CNTN1: variants seen among roughly 807,000 people sequenced by gnomAD.
CNTN1 encodes contactin 1.
A neutral mutation model predicts 126.4 loss-of-function variants in CNTN1; 38 were observed. That is an observed-to-expected ratio of 0.30 (90% CI 0.23 to 0.39). CNTN1 has a LOEUF of 0.39. Among genes scored for constraint, CNTN1 ranks in the 10% least tolerant of loss-of-function variants. The pLI is 1.00. For missense variants in CNTN1, 1,009 were observed against 1,248.4 expected (o/e 0.81, Z 2.89); for synonymous variants, 413 against 422.6 (o/e 0.98, Z 0.28).
At chr12:40,985,285 C>G (rs868395890) in intron 16 of CNTN1, among the ~76,000 whole-genome samples, 1 of 151,900 alleles carries the variant, frequency 6.6e-6, no homozygotes, top group Non-Finnish European at 1.5e-5. Context: ...CTCAAAATCC[C>G]TTTATATTTA....
intron 9 of CNTN1, among the ~76,000 whole-genome samples, chr12:40,935,849 G>A (rs945308013): frequency 6.6e-5 from 10 of 151,972 alleles, no homozygotes; most frequent in African/African-American, 1.9e-4. Flanking sequence ...GGTATTTGGT[G>A]AGATAAAAAT....
Position 40,755,190 on chromosome 12 carries a change from C to CAAAAAAAAAAAAAAAAAAAAAA in CNTN1, c.-77+62613_-77+62634dup, listed in dbSNP as rs557970110. ...AGGGCAACAGAGTGAGACCCCACCTCAAAAAAAAAAAAAAAAAAAAAAAAA... is the reference window on the plus strand; with the variant it reads ...AGGGCAACAGAGTGAGACCCCACCTCAAAAAAAAAAAAAAAAAAAAAAAAAAAAAAAAAAAAAAAAAAAAAAA... On this transcript the variant is annotated intron_variant, in intron 1 of 23. Coordinates refer to ENST00000551295, the MANE Select transcript of CNTN1 (RefSeq NM_001843.4). Among the ~76,000 whole-genome samples the CAAAAAAAAAAAAAAAAAAAAAA allele has an allele frequency of 1.5e-4, 12 of 78,200 alleles. 1 individual carries two copies. The highest frequency in any genetic ancestry group is 5.5e-4 in the African/African-American group (10 of 18,050). 51.3% of individuals were successfully genotyped at this position (78,200 alleles called of 152,430 possible). A position where few individuals can be genotyped will look rare whatever the true frequency, so the allele number is the denominator to read the frequency against.
At chr12:41,020,238 A>G (rs1454994632) in intron 19 of CNTN1, 99 bp from the exon 20 acceptor site, 8 of 710,688 alleles carry the variant, frequency 1.1e-5, no homozygotes, top group Non-Finnish European at 1.9e-5. Flanking sequence ...CATTAAAATT[A>G]AAGTATGGTC....
chr12:41,067,176 A>G (rs1217189789), intron 23 of CNTN1, among the ~76,000 whole-genome samples: 1 of 152,214 alleles, frequency 6.6e-6, no homozygotes, highest in Non-Finnish European at 1.5e-5. Flanking sequence ...AAAGATGAAG[A>G]CCAAAATTAC....
intron 1 of CNTN1, among the ~76,000 whole-genome samples, chr12:40,814,297 C>A (rs1941186664): frequency 6.6e-6 from 1 of 152,130 alleles, no homozygotes; most frequent in Admixed American, 6.5e-5. Context: ...ATGGTATTAC[C>A]TAGGTTTTCT....
chr12:40,916,539 A>C (rs1279868409), intron 3 of CNTN1, among the ~76,000 whole-genome samples: 1 of 152,110 alleles, frequency 6.6e-6, no homozygotes, highest in African/African-American at 2.4e-5. Context: ...GTGCTGTTAC[A>C]ACCTGAAGAG....
chr12:40,933,518 T>G lies in CNTN1; in HGVS notation c.761T>G (p.Leu254Trp), dbSNP rs1592279096. 2.5e-6 allele frequency: 4 copies of G among 1,612,158 alleles called. No individual in the cohort carries two copies. The highest frequency in any genetic ancestry group is 3.4e-6 in the Non-Finnish European group (4 of 1,178,560). Reference protein sequence around the residue: ...IVVQFKDVYALMGQNVTLECF... With the variant: ...IVVQFKDVYAWMGQNVTLECF... Reference sequence around the variant, plus strand: ...GTTCAGTTCAAGGATGTATATGCATTGATGGGCCAAAATGTGACCTTAGAA... The same window carrying G: ...GTTCAGTTCAAGGATGTATATGCATGGATGGGCCAAAATGTGACCTTAGAA... Residue 254 changes from leucine (L) to tryptophan (W), a missense_variant, in exon 8 of 24, where the codon TTG becomes TGG. Physicochemically the swap from Leu to Trp is moderately conservative, Grantham distance 61. Transcript: ENST00000551295.
chr12:40,763,558 T>G (rs966724765), intron 1 of CNTN1, among the ~76,000 whole-genome samples: 10 of 152,042 alleles, frequency 6.6e-5, no homozygotes, highest in Non-Finnish European at 1.2e-4. Context: ...AATGTCACTG[T>G]GGCTAGTGTA....
At chr12:40,802,892 C>T (rs1297673150) in intron 1 of CNTN1, among the ~76,000 whole-genome samples, 4 of 152,018 alleles carry the variant, frequency 2.6e-5, no homozygotes, top group Non-Finnish European at 5.9e-5. Context: ...CTTGGCCAGT[C>T]TGTTTTGCTT....
chr12:40,722,536 AACTCC>A (rs1426498585), intron 1 of CNTN1, among the ~76,000 whole-genome samples: 1 of 152,136 alleles, frequency 6.6e-6, no homozygotes, highest in African/African-American at 2.4e-5. Flanking sequence ...CGTGACAGTA[AACTCC>A]ACTCTCAAAC....
intron 1 of CNTN1, among the ~76,000 whole-genome samples, chr12:40,811,681 G>T (rs1027139389): frequency 1.6e-4 from 25 of 151,708 alleles, no homozygotes; most frequent in African/African-American, 5.8e-4. Context: ...TATCCAATTT[G>T]TTTGGATATA....
chr12:40,797,532 T>C (rs1238448371), intron 1 of CNTN1, among the ~76,000 whole-genome samples: 2 of 152,012 alleles, frequency 1.3e-5, no homozygotes, highest in Non-Finnish European at 2.9e-5. Context: ...CTAGTGATGA[T>C]ACAGGACCTG....
At chr12:40,984,023 TCA>T (rs1269020214) in intron 16 of CNTN1, among the ~76,000 whole-genome samples, 1 of 148,476 alleles carries the variant, frequency 6.7e-6, no homozygotes, top group African/African-American at 2.4e-5. Flanking sequence ...AATATATTAC[TCA>T]CACACAGAGG....
At chr12:40,839,059 A>G (rs1942180364) in intron 1 of CNTN1, among the ~76,000 whole-genome samples, 1 of 152,226 alleles carries the variant, frequency 6.6e-6, no homozygotes, top group Non-Finnish European at 1.5e-5. Context: ...GAAATTTACC[A>G]AAGATATTTT....
chr12:41,070,441 G>C lies in CNTN1; in HGVS notation c.*406G>C. ...AAATATAATAGAGATTGAAATGTTG[G>C]TTGTATGTGGTAAATGTAAGAGTAA... On this transcript the variant is annotated 3_prime_UTR_variant, in exon 24 of 24. Coordinates refer to ENST00000551295, the MANE Select transcript of CNTN1 (RefSeq NM_001843.4). 1 of 272,236 alleles carries C rather than the reference G, an allele frequency of 3.7e-6. No homozygotes were observed. Among genetic ancestry groups the C allele is most frequent in the South Asian group, 4.1e-5 (1 of 24,490 alleles). 16.9% of individuals were successfully genotyped at this position (272,236 alleles called of 1,614,324 possible).
intron 1 of CNTN1, among the ~76,000 whole-genome samples, chr12:40,709,048 AT>A (rs1254207454): frequency 6.6e-6 from 1 of 152,172 alleles, no homozygotes; most frequent in African/African-American, 2.4e-5. Flanking sequence ...TTTTTAACTG[AT>A]TTTTTCCCAG....
chr12:40,867,283 C>A (rs1251473724), intron 1 of CNTN1, among the ~76,000 whole-genome samples: 1 of 152,068 alleles, frequency 6.6e-6, no homozygotes, highest in Admixed American at 6.6e-5. Flanking sequence ...ATACATGCCC[C>A]TAACCTAAAT....
intron 23 of CNTN1, among the ~76,000 whole-genome samples, chr12:41,058,403 C>A (rs1173303295): frequency 1.3e-5 from 2 of 151,984 alleles, no homozygotes; most frequent in African/African-American, 4.8e-5. Flanking sequence ...AGAAGCCTGG[C>A]AATACTGATA....
chr12:41,012,202 G>A (rs73116984), intron 17 of CNTN1, among the ~76,000 whole-genome samples: 2,176 of 123,674 alleles, frequency 0.018, 18 homozygotes, highest in Middle Eastern at 0.038. Context: ...CAAGGGCAGA[G>A]AGAGAGAGAC....
Sources: allele counts gnomAD v4.1 joint callset (sites outside exome capture counted in the v4.1 genomes callset), GRCh38; gene constraint gnomAD v4.1.1; transcripts MANE v1.5; gene names NCBI Gene and HGNC (gene_info 2026-07-23, HGNC 2026-07-21).